The following VPS41 variants were observed in gnomAD, a reference collection of about 807,000 sequenced individuals.
VPS41 encodes the protein vacuolar protein sorting-associated protein 41 homolog.
In VPS41, 85 loss-of-function variants were observed where a neutral mutation model predicts 130.9. The observed-to-expected ratio is 0.65, with a 90% CI of 0.55 to 0.78. VPS41 has a LOEUF of 0.78. VPS41 is among the 30% of genes least tolerant of loss of function. The pLI, the probability that VPS41 is intolerant of heterozygous loss-of-function variation, is 0.00. For missense variants in VPS41, 874 were observed against 1,018.7 expected (o/e 0.86, Z 1.93); for synonymous variants, 335 against 332.9 (o/e 1.01, Z -0.07).
intron 2 of VPS41, among the ~76,000 whole-genome samples, chr7:38,890,572 G>A (rs1786838464): frequency 6.6e-6 from 1 of 152,150 alleles, no homozygotes. Context: ...TCCAAATAAG[G>A]TCTGTGCCTT....
chr7:38,830,978 G>T (rs1455561427), intron 4 of VPS41, among the ~76,000 whole-genome samples: 1 of 152,176 alleles, frequency 6.6e-6, no homozygotes, highest in Non-Finnish European at 1.5e-5. Context: ...GAAGAATACT[G>T]CACTGGCAGC....
intron 1 of VPS41, among the ~76,000 whole-genome samples, chr7:38,900,747 G>A (rs951979273): frequency 6.6e-6 from 1 of 152,286 alleles, no homozygotes; most frequent in Middle Eastern, 3.4e-3. Context: ...ATTTACTCTA[G>A]GAAACTCTGA....
At chr7:38,763,388 T>G (rs1166924743) in intron 17 of VPS41, 67 bp downstream of exon 17, 1 of 1,133,890 alleles carries the variant, frequency 8.8e-7, no homozygotes, top group Non-Finnish European at 1.2e-6. Flanking sequence ...TCCATTGTAT[T>G]CCTTTCTAGA....
intron 19 of VPS41, among the ~76,000 whole-genome samples, chr7:38,756,302 TA>T (rs1783793100): frequency 6.6e-6 from 1 of 151,310 alleles, no homozygotes; most frequent in Admixed American, 6.6e-5. Context: ...GTCCACTCAT[TA>T]GGGGGCGTAA....
chr7:38,766,791 C>T (rs1370747337), intron 15 of VPS41, among the ~76,000 whole-genome samples: 1 of 152,172 alleles, frequency 6.6e-6, no homozygotes, highest in East Asian at 1.9e-4. Flanking sequence ...CTCCTTCCTG[C>T]CTGCCTTGTG....
chr7:38,831,998 T>A (rs1785395456), intron 4 of VPS41, among the ~76,000 whole-genome samples: 1 of 152,166 alleles, frequency 6.6e-6, no homozygotes, highest in South Asian at 2.1e-4. Flanking sequence ...ATAGAAGGGT[T>A]TTTTTTCACT....
chr7:38,807,638 G>C (rs1274058204), intron 7 of VPS41, among the ~76,000 whole-genome samples: 1 of 152,176 alleles, frequency 6.6e-6, no homozygotes, highest in African/African-American at 2.4e-5. Context: ...CATGAAGCAT[G>C]ACACAAGGTT....
intron 4 of VPS41, among the ~76,000 whole-genome samples, chr7:38,854,854 A>G: frequency 6.6e-6 from 1 of 152,124 alleles, no homozygotes; most frequent in African/African-American, 2.4e-5. Flanking sequence ...AAGTGGAGAA[A>G]AAAAAAAAAA....
intron 1 of VPS41, among the ~76,000 whole-genome samples, chr7:38,899,752 A>G (rs975619344): frequency 1.3e-5 from 2 of 152,246 alleles, no homozygotes; most frequent in Admixed American, 1.3e-4. Context: ...TAGCATCAGC[A>G]ATACAAGGCT....
intron 22 of VPS41, among the ~76,000 whole-genome samples, chr7:38,747,940 G>A (rs1584372114): frequency 6.6e-6 from 1 of 152,354 alleles, no homozygotes; most frequent in Non-Finnish European, 1.5e-5. Context: ...GACACGGAAT[G>A]TAAGCAGATG....
chr7:38,881,492 C>A (rs1286235681), intron 2 of VPS41, among the ~76,000 whole-genome samples: 6 of 152,192 alleles, frequency 3.9e-5, no homozygotes, highest in African/African-American at 1.4e-4. Context: ...ATGTAGACAT[C>A]TTTGGGGAAC....
intron 3 of VPS41, among the ~76,000 whole-genome samples, chr7:38,864,257 A>G (rs1169576411): frequency 6.6e-6 from 1 of 152,220 alleles, no homozygotes; most frequent in Non-Finnish European, 1.5e-5. Context: ...TGAACTTCTA[A>G]TTACATTTTA....
At chr7:38,865,390 T>C (rs2116323581) in intron 3 of VPS41, among the ~76,000 whole-genome samples, 1 of 152,166 alleles carries the variant, frequency 6.6e-6, no homozygotes, top group African/African-American at 2.4e-5. Flanking sequence ...AGGCAAACTT[T>C]GTTCTCCATT....
chr7:38,739,572 T>A (rs1795842809), intron 25 of VPS41, among the ~76,000 whole-genome samples: 1 of 152,200 alleles, frequency 6.6e-6, no homozygotes. Flanking sequence ...AAACTCTTTA[T>A]CTGTGAGGGA....
chr7:38,808,847 T>C (rs1383139832), intron 7 of VPS41, among the ~76,000 whole-genome samples: 6 of 152,152 alleles, frequency 3.9e-5, no homozygotes, highest in African/African-American at 1.4e-4. Context: ...ACTTCATGTT[T>C]AGGGATGGCA....
intron 4 of VPS41, chr7:38,831,216 C>G (rs761648977): frequency 2.1e-6 from 1 of 471,036 alleles, no homozygotes; most frequent in South Asian, 1.5e-5. Context: ...CTGCACCTAC[C>G]TCTGATTGTA....
intron 2 of VPS41, among the ~76,000 whole-genome samples, chr7:38,871,828 T>G (rs750104147): frequency 3.5e-4 from 54 of 152,326 alleles, no homozygotes; most frequent in Non-Finnish European, 6.8e-4. Flanking sequence ...TTACTTACTT[T>G]ATTATTATTT....
chr7:38,833,419 T>G (rs1785432212), intron 4 of VPS41, among the ~76,000 whole-genome samples: 1 of 152,316 alleles, frequency 6.6e-6, no homozygotes, highest in East Asian at 1.9e-4. Flanking sequence ...TTATCTGGCC[T>G]TTGCCCTCCC....
rs1319718335 is a variant in VPS41, at chr7:38,862,449, T to C, written c.246+96A>G. On this transcript the variant is annotated intron_variant, in intron 4 of 28. Coordinates refer to ENST00000310301, the MANE Select transcript of VPS41 (RefSeq NM_014396.4). ...TCTGATTGAATTAATAAAGATCCTCTTTATGCTATTAAAACAAACTGGTAA... is the reference window on the plus strand; with the variant it reads ...TCTGATTGAATTAATAAAGATCCTCCTTATGCTATTAAAACAAACTGGTAA... 3 of 705,910 alleles carry C rather than the reference T, an allele frequency of 4.2e-6. No individual in the cohort carries two copies. The African/African-American group carries it at 5.5e-5, about 13-fold the overall frequency. The allele number at this position is 705,910 out of a possible 1,614,324, so 43.7% of individuals were successfully genotyped here. A position where few individuals can be genotyped will look rare whatever the true frequency, so the allele number is the denominator to read the frequency against.
Sources: allele counts gnomAD v4.1 joint callset (sites outside exome capture counted in the v4.1 genomes callset), GRCh38; gene constraint gnomAD v4.1.1; transcripts MANE v1.5; gene names NCBI Gene and HGNC (gene_info 2026-07-23, HGNC 2026-07-21).